TNFRSF10A: variants seen among roughly 807,000 people sequenced by gnomAD.
TNFRSF10A encodes tumor necrosis factor receptor superfamily member 10A.
A neutral mutation model predicts 42.8 loss-of-function variants in TNFRSF10A; 44 were observed. That is an observed-to-expected ratio of 1.03 (90% CI 0.81 to 1.32). TNFRSF10A has a LOEUF of 1.32. TNFRSF10A is among the 40% of genes most tolerant of loss of function. The pLI is 0.00. For missense variants in TNFRSF10A, 680 were observed against 602.0 expected (o/e 1.13, Z -1.36); for synonymous variants, 259 against 234.2 (o/e 1.11, Z -0.97).
intron 4 of TNFRSF10A, 127 bp downstream of exon 4, chr8:23,201,681 A>G: frequency 1.2e-6 from 1 of 811,018 alleles, no homozygotes; most frequent in Non-Finnish European, 2.0e-6. Context: ...AGGGACACCT[A>G]TGGGGGTGGA....
chr8:23,202,605 C>T, intron 3 of TNFRSF10A, 43 bp downstream of exon 3: 1 of 1,522,612 alleles, frequency 6.6e-7, no homozygotes, highest in Non-Finnish European at 9.1e-7. Flanking sequence ...CACCTCACTG[C>T]CCCTCACTCC....
intron 3 of TNFRSF10A, 31 bp downstream of exon 3, chr8:23,202,617 C>A (rs1223768404): frequency 2.5e-6 from 4 of 1,579,180 alleles, no homozygotes; most frequent in African/African-American, 2.7e-5. Flanking sequence ...CCTCACTCCA[C>A]CTCTGGACAA....
At position 23,212,554 on chromosome 8, in the gene TNFRSF10A, A is replaced by G. The variant is rs562410712; in HGVS notation, c.307-342T>C. 2.6e-5 allele frequency among the ~76,000 whole-genome samples: 4 copies of G among 152,344 alleles called. No individual in the cohort carries two copies. In the East Asian group the frequency reaches 5.8e-4, roughly 22 times the overall value. On this transcript the variant is annotated intron_variant, in intron 1 of 9. Transcript: ENST00000221132. ...CATCCATTCGGTACCATGCATTGGA[A>G]TTTCATTCCTTTCCATTGTGTGTAT...
At chr8:23,198,914 T>G (rs1800866762) in intron 8 of TNFRSF10A, among the ~76,000 whole-genome samples, 1 of 152,224 alleles carries the variant, frequency 6.6e-6, no homozygotes, top group Admixed American at 6.5e-5. Context: ...CAATAATAAT[T>G]TCAGAGTAAA....
intron 1 of TNFRSF10A, among the ~76,000 whole-genome samples, chr8:23,216,836 G>C (rs1801190652): frequency 6.6e-6 from 1 of 151,890 alleles, no homozygotes. Flanking sequence ...CACATTTTTG[G>C]AGTCCTTCTA....
At chr8:23,217,280 A>G (rs537883293) in intron 1 of TNFRSF10A, among the ~76,000 whole-genome samples, 1 of 152,150 alleles carries the variant, frequency 6.6e-6, no homozygotes, top group African/African-American at 2.4e-5. Flanking sequence ...CAGTGGCACA[A>G]TCTCTGCTCA....
chr8:23,222,065 G>C (rs1801264562), intron 1 of TNFRSF10A, among the ~76,000 whole-genome samples: 1 of 152,040 alleles, frequency 6.6e-6, no homozygotes, highest in Non-Finnish European at 1.5e-5. Flanking sequence ...TTTTAGTAGA[G>C]ACGGGGTTTC....
intron 4 of TNFRSF10A, 21 bp downstream of exon 4, chr8:23,201,787 G>T (rs1466551855): frequency 8.1e-6 from 13 of 1,606,996 alleles, no homozygotes; most frequent in Non-Finnish European, 1.0e-5. Flanking sequence ...GCTGCTGGGA[G>T]CCCCTTGGCT....
At chr8:23,211,305 G>C (rs1801088696) in intron 2 of TNFRSF10A, among the ~76,000 whole-genome samples, 1 of 152,044 alleles carries the variant, frequency 6.6e-6, no homozygotes, top group African/African-American at 2.4e-5. Context: ...ATCCACAATA[G>C]CATAAAAAAG....
intron 3 of TNFRSF10A, among the ~76,000 whole-genome samples, chr8:23,202,373 C>A (rs777729921): frequency 6.6e-6 from 1 of 152,206 alleles, no homozygotes; most frequent in Non-Finnish European, 1.5e-5. Flanking sequence ...CCCGTACCAC[C>A]GCTGAAACTC....
intron 2 of TNFRSF10A, among the ~76,000 whole-genome samples, chr8:23,208,710 C>A (rs1307425974): frequency 6.6e-6 from 1 of 152,150 alleles, no homozygotes; most frequent in African/African-American, 2.4e-5. Flanking sequence ...CCTGCCTTGG[C>A]CTCCCAAAGT....
Position 23,191,843 on chromosome 8 carries a change from C to T in TNFRSF10A, c.1258G>A (p.Gly420Arg). ...AGGGTGTGGATCGAGGCGTTCCGTC[C>T]AGTTTTGTTGACCCATTTCATCAGC... ...AMLMKWVNKT[G>R]RNASIHTLLD... Residue 420 changes from glycine (G) to arginine (R), a missense_variant, in exon 10 of 10, where the codon GGA becomes AGA. Gly to Arg is a moderately radical substitution (Grantham distance 125). Coordinates refer to ENST00000221132, the MANE Select transcript of TNFRSF10A (RefSeq NM_003844.4). 1.9e-6 allele frequency: 3 copies of T among 1,572,664 alleles called. No individual in the cohort carries two copies. The highest frequency in any genetic ancestry group is 2.6e-6 in the Non-Finnish European group (3 of 1,160,164).
chr8:23,222,748 AT>A (rs1801273679), intron 1 of TNFRSF10A, among the ~76,000 whole-genome samples: 1 of 152,132 alleles, frequency 6.6e-6, no homozygotes, highest in Non-Finnish European at 1.5e-5. Context: ...TGGATCCCTC[AT>A]GAAAGGCTTG....
intron 9 of TNFRSF10A, 97 bp from the exon 10 acceptor site, chr8:23,192,110 C>G: frequency 6.7e-7 from 1 of 1,501,566 alleles, no homozygotes; most frequent in Non-Finnish European, 8.9e-7. Flanking sequence ...AAGGAGAGAA[C>G]CTGGAGAGCC....
At chr8:23,198,489 A>G (rs1800856104) in intron 8 of TNFRSF10A, among the ~76,000 whole-genome samples, 1 of 152,236 alleles carries the variant, frequency 6.6e-6, no homozygotes, top group African/African-American at 2.4e-5. Flanking sequence ...TCTGAATGTG[A>G]GAAAAAGCAT....
At chr8:23,209,801 C>T (rs116115359) in intron 2 of TNFRSF10A, among the ~76,000 whole-genome samples, 73 of 152,300 alleles carry the variant, frequency 4.8e-4, no homozygotes, top group African/African-American at 1.5e-3. Context: ...AGACTTTGGA[C>T]GGTGAACTTC....
At position 23,190,824 on chromosome 8, in the gene TNFRSF10A, A is replaced by T. The variant is rs1026722318; in HGVS notation, c.*870T>A. The T allele has an allele frequency of 2.0e-5, 3 of 152,156 alleles. No homozygotes were observed. Among genetic ancestry groups the T allele is most frequent in the African/African-American group, 7.2e-5 (3 of 41,408 alleles). The allele number at this position is 152,156 out of a possible 1,614,324, so 9.4% of individuals were successfully genotyped here. ...GAAGCAGGACTTAATCCAGCCCAAA[A>T]ACCTAAGACCCAGGGAAGCCGATGG... On this transcript the variant is annotated 3_prime_UTR_variant, in exon 10 of 10. Transcript: ENST00000221132.
At chr8:23,217,003 T>C (rs1367174582) in intron 1 of TNFRSF10A, among the ~76,000 whole-genome samples, 1 of 152,234 alleles carries the variant, frequency 6.6e-6, no homozygotes, top group Non-Finnish European at 1.5e-5. Context: ...CTCCCATAGA[T>C]GTTGCATATA....
intron 1 of TNFRSF10A, chr8:23,224,299 C>CAAAAAAAAAAAAAAAAAA (rs71208595): frequency 9.8e-6 from 1 of 101,608 alleles, no homozygotes; most frequent in Admixed American, 9.5e-5. Flanking sequence ...GACTCCGTTT[C>CAAAAAAAAAAAAAAAAAA]AAAAAAAAAA....
Sources: allele counts gnomAD v4.1 joint callset (sites outside exome capture counted in the v4.1 genomes callset), GRCh38; gene constraint gnomAD v4.1.1; transcripts MANE v1.5; gene names NCBI Gene and HGNC (gene_info 2026-07-23, HGNC 2026-07-21).